The following ATP10D variants were observed in gnomAD, a reference collection of about 807,000 sequenced individuals.
ATP10D encodes the protein phospholipid-transporting ATPase VD.
In ATP10D, 89 loss-of-function variants were observed where a neutral mutation model predicts 144.8. The ratio of observed to expected loss-of-function variants is 0.61; its 90% CI spans 0.52 to 0.73. The LOEUF (loss-of-function observed/expected upper bound fraction) is 0.73. ATP10D is among the 30% of genes least tolerant of loss of function. ATP10D has a pLI of 0.00. For missense variants in ATP10D, 1,603 were observed against 1,714.8 expected (o/e 0.93, Z 1.15); for synonymous variants, 571 against 615.1 (o/e 0.93, Z 1.06).
At chr4:47,528,501 GTGTGTGTGTGTGTATATA>G (rs1240477386) in intron 5 of ATP10D, among the ~76,000 whole-genome samples, 101 of 44,516 alleles carry the variant, frequency 2.3e-3, no homozygotes, top group South Asian at 0.022. Flanking sequence ...GTGTGTGTGT[GTGTGTGTGTGTGTATATA>G]TATATATATA....
intron 19 of ATP10D, among the ~76,000 whole-genome samples, chr4:47,579,274 A>G (rs1258047603): frequency 6.6e-6 from 1 of 152,218 alleles, no homozygotes; most frequent in Non-Finnish European, 1.5e-5. Flanking sequence ...GTGTATGTGA[A>G]TACTTTATTA....
At chr4:47,486,877 G>A (rs1025857753) in intron 1 of ATP10D, among the ~76,000 whole-genome samples, 1 of 152,136 alleles carries the variant, frequency 6.6e-6, no homozygotes, top group African/African-American at 2.4e-5. Context: ...ACTAGGATGT[G>A]GGGAGTGTTT....
intron 10 of ATP10D, among the ~76,000 whole-genome samples, chr4:47,549,877 G>A (rs1271966886): frequency 1.3e-5 from 2 of 152,012 alleles, no homozygotes; most frequent in African/African-American, 4.8e-5. Context: ...ACGTGCAGAC[G>A]TTCAGAACCA....
intron 16 of ATP10D, among the ~76,000 whole-genome samples, chr4:47,570,237 A>G (rs940515264): frequency 3.9e-5 from 6 of 152,310 alleles, no homozygotes; most frequent in Non-Finnish European, 7.4e-5. Context: ...GGTCTGAAAA[A>G]AGACCCAGAG....
intron 18 of ATP10D, among the ~76,000 whole-genome samples, chr4:47,575,154 C>T (rs868686341): frequency 6.6e-6 from 1 of 152,030 alleles, no homozygotes; most frequent in South Asian, 2.1e-4. Flanking sequence ...TGATACTAAG[C>T]CCTAAGGTAG....
intron 1 of ATP10D, among the ~76,000 whole-genome samples, chr4:47,502,144 T>G (rs4235151): frequency 0.55 from 84,131 of 152,030 alleles, 23,549 homozygotes; most frequent in African/African-American, 0.59. Flanking sequence ...GCCTAATTAT[T>G]CATAAACAGT....
At chr4:47,544,069 T>C (rs1718295192) in intron 9 of ATP10D, among the ~76,000 whole-genome samples, 1 of 152,184 alleles carries the variant, frequency 6.6e-6, no homozygotes. Context: ...TTAACATATA[T>C]AGGTAGATTC....
intron 18 of ATP10D, among the ~76,000 whole-genome samples, chr4:47,575,149 C>T (rs1248692970): frequency 6.6e-6 from 1 of 152,042 alleles, no homozygotes; most frequent in Non-Finnish European, 1.5e-5. Flanking sequence ...GATCTTGATA[C>T]TAAGCCCTAA....
At chr4:47,580,963 T>C (rs1340853955) in intron 20 of ATP10D, among the ~76,000 whole-genome samples, 1 of 152,110 alleles carries the variant, frequency 6.6e-6, no homozygotes, top group Non-Finnish European at 1.5e-5. Context: ...TTTGGGAGGC[T>C]GAGGTAGGAG....
intron 22 of ATP10D, among the ~76,000 whole-genome samples, chr4:47,587,499 A>T (rs544016583): frequency 1.4e-3 from 207 of 152,140 alleles, no homozygotes; most frequent in Non-Finnish European, 2.5e-3. Flanking sequence ...CCTTTTCTCT[A>T]TCTTTTTACT....
chr4:47,489,620 A>G (rs966547218), intron 1 of ATP10D, among the ~76,000 whole-genome samples: 1 of 152,206 alleles, frequency 6.6e-6, no homozygotes, highest in Non-Finnish European at 1.5e-5. Flanking sequence ...ATATGATATT[A>G]TATATCCCCT....
chr4:47,587,325 T>C, intron 22 of ATP10D, 119 bp downstream of exon 22: 1 of 898,892 alleles, frequency 1.1e-6, no homozygotes. Flanking sequence ...AGAAAGTCAA[T>C]TTGTGTCCTA....
chr4:47,513,869 C>T (rs1321729794), intron 2 of ATP10D, among the ~76,000 whole-genome samples: 1 of 152,140 alleles, frequency 6.6e-6, no homozygotes, highest in Non-Finnish European at 1.5e-5. Context: ...GCAGAGAAAA[C>T]ATTTAGGAAG....
intron 5 of ATP10D, among the ~76,000 whole-genome samples, chr4:47,533,113 G>A (rs911420064): frequency 3.3e-5 from 5 of 152,002 alleles, no homozygotes; most frequent in Non-Finnish European, 5.9e-5. Flanking sequence ...AAGGATTTCA[G>A]GGGAAAAAAT....
In ATP10D at chr4:47,536,789, C is replaced by CT; in HGVS notation, c.1248dup (p.Ile417TyrfsTer23). On this transcript the variant is annotated frameshift_variant, in exon 9 of 23. Coordinates refer to ENST00000273859, the MANE Select transcript of ATP10D (RefSeq NM_020453.4). LOFTEE classifies it high-confidence loss of function. ...GATTTCTACAATGAAAAAATGGATTCTATTGTTCAGTGCCGAGCCCTGAAC... is the reference window on the plus strand; with the variant it reads ...GATTTCTACAATGAAAAAATGGATTCTTATTGTTCAGTGCCGAGCCCTGAAC... The CT allele has an allele frequency of 6.2e-7, 1 of 1,613,128 alleles. No homozygotes were observed. Among genetic ancestry groups the CT allele is most frequent in the Non-Finnish European group, 8.5e-7 (1 of 1,179,554 alleles).
intron 10 of ATP10D, among the ~76,000 whole-genome samples, chr4:47,549,950 CTTTT>C (rs57539413): frequency 1.6e-5 from 2 of 128,182 alleles, no homozygotes; most frequent in African/African-American, 5.6e-5. Context: ...TCACCTTTGT[CTTTT>C]TTTTTTTTTT....
At chr4:47,502,703 ATAT>A (rs1185521306) in intron 1 of ATP10D, among the ~76,000 whole-genome samples, 2 of 148,994 alleles carry the variant, frequency 1.3e-5, no homozygotes, top group African/African-American at 2.4e-5. Context: ...TATGTATGTG[ATAT>A]TATATATAAA....
At chr4:47,506,108 A>G (rs934195324) in intron 1 of ATP10D, among the ~76,000 whole-genome samples, 1 of 152,208 alleles carries the variant, frequency 6.6e-6, no homozygotes, top group Admixed American at 6.5e-5. Context: ...GATGGAGTGT[A>G]GTTTTTAATA....
intron 1 of ATP10D, among the ~76,000 whole-genome samples, chr4:47,501,404 A>G (rs1715673648): frequency 6.6e-6 from 1 of 152,230 alleles, no homozygotes; most frequent in Non-Finnish European, 1.5e-5. Flanking sequence ...AAGTAAATAA[A>G]TGCAAATATT....
Sources: allele counts gnomAD v4.1 joint callset (sites outside exome capture counted in the v4.1 genomes callset), GRCh38; gene constraint gnomAD v4.1.1; transcripts MANE v1.5; gene names NCBI Gene and HGNC (gene_info 2026-07-23, HGNC 2026-07-21).